Variants in PARP16 observed in about 807,000 individuals in gnomAD.
PARP16 encodes poly(ADP-ribose) polymerase family member 16, also known as protein mono-ADP-ribosyltransferase PARP16.
PARP16 carries 31 observed loss-of-function variants against 35.0 expected under a neutral mutation model. That is an observed-to-expected ratio of 0.88 (90% confidence interval 0.66 to 1.19). PARP16 has a LOEUF of 1.19. Among genes scored for constraint, PARP16 ranks in the 50% most tolerant of loss-of-function variants. The pLI, the probability that PARP16 is intolerant of heterozygous loss-of-function variation, is 0.00. For missense variants in PARP16, 424 were observed against 411.2 expected (o/e 1.03, Z -0.27); for synonymous variants, 162 against 169.5 (o/e 0.96, Z 0.34).
chr15:65,238,665 C>T (rs1434569760), intron 3 of PARP16, among the ~76,000 whole-genome samples: 1 of 152,226 alleles, frequency 6.6e-6, no homozygotes, highest in Admixed American at 6.5e-5. Flanking sequence ...TCATCCCCCT[C>T]CATCCCTTCT....
At chr15:65,268,387 C>T (rs2089975255) in intron 2 of PARP16, among the ~76,000 whole-genome samples, 1 of 151,996 alleles carries the variant, frequency 6.6e-6, no homozygotes, top group African/African-American at 2.4e-5. Context: ...CCTAGCTCAT[C>T]CAGCCAAGCC....
At chr15:65,243,691 ACTAGTGAAGGCATCTGGGCCTGG>A (rs1214578573) in intron 3 of PARP16, among the ~76,000 whole-genome samples, 98 of 152,152 alleles carry the variant, frequency 6.4e-4, no homozygotes, top group African/African-American at 2.3e-3. Context: ...AGTAGAGTTC[ACTAGTGAAGGCATCTGGGCCTGG>A]AGGGTTTCAT....
intron 2 of PARP16, among the ~76,000 whole-genome samples, chr15:65,268,525 A>G (rs1250663839): frequency 6.6e-6 from 1 of 152,188 alleles, no homozygotes; most frequent in African/African-American, 2.4e-5. Flanking sequence ...AGCTCATCGC[A>G]GCCTTGAACT....
chr15:65,238,650 G>C (rs541891725), intron 3 of PARP16, among the ~76,000 whole-genome samples: 1 of 152,134 alleles, frequency 6.6e-6, no homozygotes, highest in South Asian at 2.1e-4. Context: ...CTCCCATGTC[G>C]ACTCTCATCC....
chr15:65,231,666 T>A, downstream of PARP16, among the ~76,000 whole-genome samples: 1 of 152,142 alleles, frequency 6.6e-6, no homozygotes, highest in East Asian at 1.9e-4. Context: ...CAGGCTGGTC[T>A]CAAACTCCTG....
chr15:65,265,502 G>A (rs566645448), intron 3 of PARP16, among the ~76,000 whole-genome samples: 29 of 152,288 alleles, frequency 1.9e-4, no homozygotes, highest in Admixed American at 1.5e-3. Flanking sequence ...AATGCCTGCA[G>A]AGAAGTGGAT....
At chr15:65,260,535 T>C (rs377280546) in intron 5 of PARP16, among the ~76,000 whole-genome samples, 15 of 152,268 alleles carry the variant, frequency 9.9e-5, no homozygotes, top group East Asian at 5.8e-4. Flanking sequence ...CGGTGTCCAG[T>C]CACTGCCCTG....
rs772892144 is a variant in PARP16 at position 65,263,316 on chromosome 15, G to A, written c.524C>T (p.Ser175Phe). 1.1e-5 allele frequency: 17 copies of A among 1,582,614 alleles called. No individual in the cohort carries two copies. Among genetic ancestry groups the A allele is most frequent in the Non-Finnish European group, 1.4e-5 (16 of 1,163,876 alleles). Residue 175 changes from serine to phenylalanine, a missense_variant, in exon 4 of 6, where the codon TCC becomes TTC. Coordinates refer to ENST00000649807, the MANE Select transcript of PARP16 (RefSeq NM_001316943.2). ...GAGGTAGGTCCCCTCTCCGAACAAG[G>A]ATGTCTGCAACAGCAAGGCCAATGG... ...NGLHCHLNKT[S>F]LFGEGTYLTS...
Position 65,266,630 on chromosome 15 carries a change from A to G in PARP16, c.451T>C (p.Phe151Leu), listed in dbSNP as rs766534706. 8 of 1,614,150 alleles carry G rather than the reference A, an allele frequency of 5.0e-6. No homozygotes were observed. The Admixed American group carries it at 1.2e-4, about 24-fold the overall frequency. ...AAGTTTTCTAGGCGGCTACCATGAA[A>G]TGCATAGATTAGGTCTCGTTCTCCT... ...TKGERDLIYA[F>L]HGSRLENFHS... The change falls in exon 3 of 6, where the codon TTT becomes CTT. Residue 151 changes from phenylalanine (F) to leucine (L), a missense_variant. Coordinates refer to ENST00000649807, the MANE Select transcript of PARP16 (RefSeq NM_001316943.2).
chr15:65,238,038 C>T (rs2088936605), intron 3 of PARP16, among the ~76,000 whole-genome samples: 1 of 152,204 alleles, frequency 6.6e-6, no homozygotes, highest in African/African-American at 2.4e-5. Flanking sequence ...GTAATCCCAG[C>T]ACTTTGGGAG....
intron 1 of PARP16, among the ~76,000 whole-genome samples, chr15:65,281,059 C>G (rs900664921): frequency 6.6e-6 from 1 of 152,128 alleles, no homozygotes; most frequent in African/African-American, 2.4e-5. Flanking sequence ...GGGCCTGGAG[C>G]TAACACAAAG....
At chr15:65,260,629 A>G (rs576978950) in intron 5 of PARP16, among the ~76,000 whole-genome samples, 4 of 152,302 alleles carry the variant, frequency 2.6e-5, no homozygotes, top group Admixed American at 2.6e-4. Context: ...GCGGCAGCCA[A>G]TTTGGACTCA....
intron 1 of PARP16, among the ~76,000 whole-genome samples, chr15:65,280,825 C>T (rs779804505): frequency 2.0e-5 from 3 of 152,166 alleles, no homozygotes; most frequent in Non-Finnish European, 4.4e-5. Context: ...GAGAAAGACT[C>T]CTTACTCCTC....
At chr15:65,236,065 G>A (rs886767051) in intron 3 of PARP16, among the ~76,000 whole-genome samples, 1 of 151,750 alleles carries the variant, frequency 6.6e-6, no homozygotes, top group African/African-American at 2.4e-5. Context: ...CATCATGTTG[G>A]CCAAGCTGGT....
Position 65,263,251 on chromosome 15 carries a change from C to T in PARP16, c.589G>A (p.Gly197Ser), listed in dbSNP as rs2089793771. 1 of 1,613,940 alleles carries T rather than the reference C, an allele frequency of 6.2e-7. No homozygotes were observed. The highest frequency in any genetic ancestry group is 1.3e-5 in the African/African-American group (1 of 75,038). The change falls in exon 4 of 6, where the codon GGC becomes AGC. Residue 197 changes from glycine to serine, a missense_variant. Physicochemically the swap from Gly to Ser is moderately conservative, Grantham distance 56. Transcript: ENST00000649807. Reference protein sequence around the residue: ...LSLALIYSPHGHGWQHSLLGP... With the variant: ...LSLALIYSPHSHGWQHSLLGP... ...AGGAGGCTGTGCTGCCACCCATGGC[C>T]ATGGGGGCTGTATATGAGGGCCAGG...
intron 5 of PARP16, among the ~76,000 whole-genome samples, chr15:65,259,804 CTCTTT>C (rs1481906975): frequency 6.6e-6 from 1 of 152,214 alleles, no homozygotes. Context: ...TTTGTAGCTC[CTCTTT>C]TACCATTTAC....
intron 3 of PARP16, among the ~76,000 whole-genome samples, chr15:65,240,689 T>C (rs1480953203): frequency 6.6e-6 from 1 of 152,190 alleles, no homozygotes; most frequent in African/African-American, 2.4e-5. Flanking sequence ...TTTTAGCTAT[T>C]ATATGCAAGG....
At chr15:65,260,407 G>A (rs2089668431) in intron 5 of PARP16, among the ~76,000 whole-genome samples, 1 of 152,166 alleles carries the variant, frequency 6.6e-6, no homozygotes, top group Non-Finnish European at 1.5e-5. Context: ...ATCTGCTATT[G>A]AGTTCAAGGC....
At chr15:65,244,816 G>A (rs2089166104) in intron 3 of PARP16, among the ~76,000 whole-genome samples, 1 of 152,244 alleles carries the variant, frequency 6.6e-6, no homozygotes, top group African/African-American at 2.4e-5. Flanking sequence ...CATCACAGAA[G>A]TAGTGAGTCT....
Sources: gnomAD v4.1 joint callset for allele counts (sites outside exome capture counted in the v4.1 genomes callset) on GRCh38, gnomAD v4.1.1 for gene constraint, MANE v1.5 for transcripts, NCBI Gene and HGNC (gene_info 2026-07-23, HGNC 2026-07-21) for gene names.